Variants in SUGCT observed in about 807,000 individuals in gnomAD.
SUGCT encodes the protein succinyl-CoA:glutarate CoA-transferase.
Under a neutral mutation model 55.0 loss-of-function variants are expected in SUGCT, and 41 were observed. That is an observed-to-expected ratio of 0.74 (90% confidence interval 0.58 to 0.97). The LOEUF is 0.97. Among genes scored for constraint, SUGCT ranks in the 50% least tolerant of loss-of-function variants. SUGCT has a pLI of 0.00. For missense variants in SUGCT, 568 were observed against 547.8 expected (o/e 1.04, Z -0.37); for synonymous variants, 187 against 200.4 (o/e 0.93, Z 0.56).
chr7:40,202,897 T>G (rs1786693184), intron 6 of SUGCT, among the ~76,000 whole-genome samples: 1 of 152,214 alleles, frequency 6.6e-6, no homozygotes, highest in African/African-American at 2.4e-5. Context: ...TCCTCCCTCC[T>G]CCTTGGCCAT....
At chr7:40,418,834 G>T (rs1351145196) in intron 9 of SUGCT, among the ~76,000 whole-genome samples, 1 of 152,146 alleles carries the variant, frequency 6.6e-6, no homozygotes, top group Non-Finnish European at 1.5e-5. Context: ...TGCCCTGTCA[G>T]TGTTGGGCAG....
At chr7:40,787,660 CAAAAAA>C (rs55764379) in intron 13 of SUGCT, among the ~76,000 whole-genome samples, 15 of 48,426 alleles carry the variant, frequency 3.1e-4, no homozygotes, top group Non-Finnish European at 2.1e-4. Context: ...AAATTTTGAC[CAAAAAA>C]AAAAAAAAAA....
intron 12 of SUGCT, among the ~76,000 whole-genome samples, chr7:40,727,327 C>G (rs886425495): frequency 6.6e-6 from 1 of 152,192 alleles, no homozygotes; most frequent in Non-Finnish European, 1.5e-5. Context: ...ATTCCCTAGT[C>G]TCAGTTGATA....
intron 12 of SUGCT, among the ~76,000 whole-genome samples, chr7:40,619,595 A>AT (rs1347223323): frequency 6.6e-6 from 1 of 152,048 alleles, no homozygotes; most frequent in Non-Finnish European, 1.5e-5. Flanking sequence ...TTTGTTTGGG[A>AT]TTTTTTAATA....
chr7:40,321,920 TGATTTTTTTTCCTTTGG>T (rs1204452656), intron 9 of SUGCT, among the ~76,000 whole-genome samples: 1 of 152,176 alleles, frequency 6.6e-6, no homozygotes, highest in African/African-American at 2.4e-5. Flanking sequence ...TTTGAGATCT[TGATTTTTTTTCCTTTGG>T]GCAGGTATCC....
At chr7:41,013,792 A>AT in the SUGCT span, among the ~76,000 whole-genome samples, 1 of 146,394 alleles carries the variant, frequency 6.8e-6, no homozygotes, top group African/African-American at 2.5e-5. Context: ...TTGACTTTTG[A>AT]TTTTTTTCAC....
intron 12 of SUGCT, among the ~76,000 whole-genome samples, chr7:40,636,066 A>G (rs1397358815): frequency 6.6e-6 from 1 of 152,236 alleles, no homozygotes; most frequent in Admixed American, 6.5e-5. Flanking sequence ...TTGGTATTCC[A>G]AATCTCTATT....
chr7:40,333,807 G>T (rs939983048), intron 9 of SUGCT, among the ~76,000 whole-genome samples: 2 of 148,558 alleles, frequency 1.3e-5, no homozygotes, highest in African/African-American at 5.0e-5. Flanking sequence ...CAATGTGCAG[G>T]TTTGTTACAT....
At chr7:40,243,746 C>A (rs1156600298) in intron 7 of SUGCT, among the ~76,000 whole-genome samples, 1 of 152,024 alleles carries the variant, frequency 6.6e-6, no homozygotes. Context: ...GTAGGGATAG[C>A]CAAGAATTCA....
At chr7:40,305,818 C>A (rs188360617) in intron 8 of SUGCT, among the ~76,000 whole-genome samples, 9 of 152,052 alleles carry the variant, frequency 5.9e-5, no homozygotes, top group Admixed American at 5.2e-4. Flanking sequence ...CACACCACCA[C>A]GCCCAGTTAA....
intron 9 of SUGCT, among the ~76,000 whole-genome samples, chr7:40,359,504 C>G (rs1798047041): frequency 6.6e-6 from 1 of 152,172 alleles, no homozygotes; most frequent in African/African-American, 2.4e-5. Flanking sequence ...TGTGCCTGGC[C>G]TGTTCTGTCA....
chr7:40,857,937 T>C (rs1039662615), intron 13 of SUGCT, among the ~76,000 whole-genome samples: 3 of 152,206 alleles, frequency 2.0e-5, no homozygotes, highest in Non-Finnish European at 4.4e-5. Flanking sequence ...TCCAAGTTGT[T>C]GAACCCAACA....
At chr7:40,893,633 T>TA in the SUGCT span, among the ~76,000 whole-genome samples, 1 of 152,178 alleles carries the variant, frequency 6.6e-6, no homozygotes, top group South Asian at 2.1e-4. Context: ...AAAGAATTTT[T>TA]AAAAAAATAT....
chr7:40,260,138 G>C (rs761204964), intron 7 of SUGCT, among the ~76,000 whole-genome samples: 3 of 152,180 alleles, frequency 2.0e-5, no homozygotes, highest in Admixed American at 2.0e-4. Flanking sequence ...GCACTACTAG[G>C]TGTGCAGGAC....
At chr7:40,447,512 T>C (rs1788906432) in intron 9 of SUGCT, among the ~76,000 whole-genome samples, 1 of 151,886 alleles carries the variant, frequency 6.6e-6, no homozygotes. Context: ...ATGACAGAGG[T>C]CACTAGAATG....
chr7:40,577,157 C>G (rs995117741), intron 12 of SUGCT, among the ~76,000 whole-genome samples: 9 of 152,222 alleles, frequency 5.9e-5, no homozygotes, highest in Non-Finnish European at 1.3e-4. Flanking sequence ...TTCTCAGATT[C>G]ATTGCGTAGC....
the SUGCT span, among the ~76,000 whole-genome samples, chr7:40,877,682 T>C: frequency 6.6e-6 from 1 of 152,340 alleles, no homozygotes; most frequent in East Asian, 1.9e-4. Flanking sequence ...GAGCTGACAA[T>C]GAATGTAGGG....
chr7:40,342,780 T>G (rs1371060400), intron 9 of SUGCT, among the ~76,000 whole-genome samples: 1 of 152,062 alleles, frequency 6.6e-6, no homozygotes, highest in Non-Finnish European at 1.5e-5. Flanking sequence ...GTAGCTGGGA[T>G]TACAGGCGCC....
intron 6 of SUGCT, among the ~76,000 whole-genome samples, chr7:40,223,574 C>G (rs1336924301): frequency 6.6e-6 from 1 of 152,206 alleles, no homozygotes; most frequent in African/African-American, 2.4e-5. Flanking sequence ...GCTCTTTCTC[C>G]TGATTTCATA....
Sources: gnomAD v4.1 joint callset for allele counts (sites outside exome capture counted in the v4.1 genomes callset) on GRCh38, gnomAD v4.1.1 for gene constraint, MANE v1.5 for transcripts, NCBI Gene and HGNC (gene_info 2026-07-23, HGNC 2026-07-21) for gene names.